CPSF2: variants seen among roughly 807,000 people sequenced by gnomAD.
CPSF2 encodes cleavage and polyadenylation specificity factor subunit 2.
CPSF2 carries 51 observed loss-of-function variants against 84.2 expected under a neutral mutation model. The ratio of observed to expected loss-of-function variants is 0.61; its 90% CI spans 0.48 to 0.77. CPSF2 has a LOEUF of 0.77. Among genes scored for constraint, CPSF2 ranks in the 30% least tolerant of loss-of-function variants. CPSF2 has a pLI of 0.00. For missense variants in CPSF2, 641 were observed against 929.4 expected, an observed-to-expected ratio of 0.69 and a Z score of 4.03; for synonymous variants, 286 against 311.9, an observed-to-expected ratio of 0.92 and a Z score of 0.87.
At chr14:92,125,973 T>C (rs1383580860) in intron 1 of CPSF2, 149 bp from the exon 2 acceptor site, 1 of 152,230 alleles carries the variant, frequency 6.6e-6, no homozygotes, top group African/African-American at 2.4e-5. Flanking sequence ...CTAAAATTAA[T>C]GACAGATCTC....
In CPSF2 at chr14:92,168,310, C is replaced by T. The variant is rs980563960; in HGVS notation, c.*6566C>T. ...GAGAAGGAACATTCAAATCTTCCCA[C>T]GTGGGCAAGTTCCAAGCAAATGTTT... On this transcript the variant is annotated 3_prime_UTR_variant, in exon 16 of 16. Coordinates refer to ENST00000298875, the MANE Select transcript of CPSF2 (RefSeq NM_017437.3). The T allele has an allele frequency of 6.0e-5, 9 of 150,110 alleles. No homozygotes were observed. The highest frequency in any genetic ancestry group is 2.2e-4 in the African/African-American group (9 of 40,816). The allele number at this position is 150,110 out of a possible 1,614,324, so 9.3% of individuals were successfully genotyped here.
At position 92,170,471 on chromosome 14, in the gene CPSF2, T is replaced by G. The variant is rs1372740661; in HGVS notation, c.*8727T>G. 1 of 152,190 alleles carries G rather than the reference T, an allele frequency of 6.6e-6. No individual in the cohort carries two copies. Among genetic ancestry groups the G allele is most frequent in the Non-Finnish European group, 1.5e-5 (1 of 68,026 alleles). The allele number at this position is 152,190 out of a possible 1,614,324, so 9.4% of individuals were successfully genotyped here. A position where few individuals can be genotyped will look rare whatever the true frequency, so the allele number is the denominator to read the frequency against. On this transcript the variant is annotated 3_prime_UTR_variant, in exon 16 of 16. Coordinates refer to ENST00000298875, the MANE Select transcript of CPSF2 (RefSeq NM_017437.3). Reference sequence around the variant, plus strand: ...ATCAGGAAACCAGCATTGATAAAATTCTACCATTTGATCCACGAACCCCAT... The same window carrying G: ...ATCAGGAAACCAGCATTGATAAAATGCTACCATTTGATCCACGAACCCCAT...
chr14:92,142,149 A>G lies in CPSF2; in HGVS notation c.662-15A>G, dbSNP rs2069086647. 6.3e-7 allele frequency: 1 copy of G among 1,577,210 alleles called. No homozygotes were observed. Among genetic ancestry groups the G allele is most frequent in the African/African-American group, 1.3e-5 (1 of 74,100 alleles). On this transcript the variant is annotated splice_polypyrimidine_tract_variant and intron_variant, in intron 7 of 15. Transcript: ENST00000298875. Reference sequence around the variant, plus strand: ...TTGTTACGTTCTATGGGGATTTTACATTCTTGTTTTCTAGCAAATGTCCTG... The same window carrying G: ...TTGTTACGTTCTATGGGGATTTTACGTTCTTGTTTTCTAGCAAATGTCCTG...
At chr14:92,153,118 C>G (rs1353653644) in intron 9 of CPSF2, among the ~76,000 whole-genome samples, 1 of 111,496 alleles carries the variant, frequency 9.0e-6, no homozygotes, top group Non-Finnish European at 1.9e-5. Context: ...CACTAATTTT[C>G]CAACAGATAA....
In CPSF2 at chr14:92,164,034, A is replaced by T. The variant is rs2069412340; in HGVS notation, c.*2290A>T. On this transcript the variant is annotated 3_prime_UTR_variant, in exon 16 of 16. Transcript: ENST00000298875. ...CGTGAGCCACTGCTCCTGGCCCAAGATCTGATGGTTTTGTAAGGGAATTTT... is the reference window on the plus strand; with the variant it reads ...CGTGAGCCACTGCTCCTGGCCCAAGTTCTGATGGTTTTGTAAGGGAATTTT... The T allele has an allele frequency of 6.6e-6, 1 of 152,348 alleles. No homozygotes were observed. Among genetic ancestry groups the T allele is most frequent in the African/African-American group, 2.4e-5 (1 of 41,428 alleles). 9.4% of individuals were successfully genotyped at this position (152,348 alleles called of 1,614,324 possible). A position where few individuals can be genotyped will look rare whatever the true frequency, so the allele number is the denominator to read the frequency against.
In CPSF2 at chr14:92,155,336, A is replaced by G; in HGVS notation, c.1442+13A>G. 1.3e-6 allele frequency: 2 copies of G among 1,598,938 alleles called. No individual in the cohort carries two copies. The highest frequency in any genetic ancestry group is 2.2e-5 in the South Asian group (2 of 90,770). On this transcript the variant is annotated intron_variant, in intron 11 of 15. Transcript: ENST00000298875. ...GAGAGATTATCAAGTATGTGAGCAA[A>G]ACAAACTTTTCTCTCTTACAAATTG...
At chr14:92,156,661 G>A (rs1595066192) in intron 12 of CPSF2, 30 bp downstream of exon 12, 1 of 1,421,054 alleles carries the variant, frequency 7.0e-7, no homozygotes, top group Non-Finnish European at 9.5e-7. Context: ...TTTGAAAATA[G>A]ATTATAAGAT....
At chr14:92,145,107 G>A (rs372880377) in intron 9 of CPSF2, among the ~76,000 whole-genome samples, 7 of 152,318 alleles carry the variant, frequency 4.6e-5, no homozygotes, top group African/African-American at 1.7e-4. Flanking sequence ...AATTGATATA[G>A]TGGGATGGTT....
chr14:92,122,256 C>T (rs2068779845), intron 1 of CPSF2, 128 bp downstream of exon 1: 1 of 276,728 alleles, frequency 3.6e-6, no homozygotes, highest in South Asian at 3.4e-5. Flanking sequence ...GCTTCGGCTG[C>T]GACTGTCCCG....
At chr14:92,135,307 TA>T in intron 5 of CPSF2, 59 bp from the exon 6 acceptor site, 1 of 1,443,014 alleles carries the variant, frequency 6.9e-7, no homozygotes, top group South Asian at 1.4e-5. Flanking sequence ...AGTTGAGAAA[TA>T]AATAACCTTT....
At chr14:92,122,740 G>T (rs2068790443) in intron 1 of CPSF2, among the ~76,000 whole-genome samples, 1 of 152,178 alleles carries the variant, frequency 6.6e-6, no homozygotes, top group African/African-American at 2.4e-5. Flanking sequence ...GAAGAGGTCA[G>T]ATTGAACCCC....
At chr14:92,122,850 TTTC>T (rs758442127) in intron 1 of CPSF2, among the ~76,000 whole-genome samples, 5 of 143,778 alleles carry the variant, frequency 3.5e-5, no homozygotes, top group South Asian at 4.4e-4. Context: ...TTCTTTTTTC[TTTC>T]TTTTTTTTTT....
At chr14:92,128,539 C>G (rs1018526387) in intron 2 of CPSF2, among the ~76,000 whole-genome samples, 1 of 152,148 alleles carries the variant, frequency 6.6e-6, no homozygotes, top group Non-Finnish European at 1.5e-5. Flanking sequence ...CCCCGCCGGC[C>G]CTGCATGATT....
rs2069424407 is a variant in CPSF2, at chr14:92,164,974, C to A, written c.*3230C>A. The stretch of plus-strand genomic sequence containing the variant: ...CCCCTGGCAGCCATTAATCTACTTT[C>A]TGTCTCCTTGAATTTGGATTTTCTG... On this transcript the variant is annotated 3_prime_UTR_variant, in exon 16 of 16. Transcript: ENST00000298875. The A allele has an allele frequency of 1.3e-5, 2 of 152,220 alleles. No individual in the cohort carries two copies. Among genetic ancestry groups the A allele is most frequent in the South Asian group, 4.1e-4 (2 of 4,830 alleles). The allele number at this position is 152,220 out of a possible 1,614,324, so 9.4% of individuals were successfully genotyped here.
Position 92,134,201 on chromosome 14 carries a change from G to A in CPSF2, c.309+31G>A, listed in dbSNP as rs1281862039. 5.0e-6 allele frequency: 8 copies of A among 1,612,090 alleles called. 1 individual carries two copies. In the South Asian group the frequency reaches 8.8e-5, roughly 18 times the overall value. On this transcript the variant is annotated intron_variant, in intron 4 of 15. Transcript: ENST00000298875. ...TTAAGCAATTAAAAAAATTTTGTTA[G>A]CACTCCTTCAGTGATTGTTTTTCAC...
chr14:92,127,086 C>A (rs1250347669), intron 2 of CPSF2, among the ~76,000 whole-genome samples: 1 of 152,122 alleles, frequency 6.6e-6, no homozygotes, highest in Non-Finnish European at 1.5e-5. Flanking sequence ...ACTGTGGAGG[C>A]GCTGGAATGT....
At position 92,157,671 on chromosome 14, in the gene CPSF2, C is replaced by T; in HGVS notation, c.1608C>T (p.Thr536=). 6.2e-7 allele frequency: 1 copy of T among 1,612,908 alleles called. No individual in the cohort carries two copies. Among genetic ancestry groups the T allele is most frequent in the South Asian group, 1.1e-5 (1 of 91,038 alleles). ...TESIEIKARV[T]YIDYEGRSDG... is the part of the protein sequence containing the mutation. ...TATCTAATTACAGAGCCCGGGTTACCTACATAGACTATGAAGGACGCTCTG... is the reference window on the plus strand; with the variant it reads ...TATCTAATTACAGAGCCCGGGTTACTTACATAGACTATGAAGGACGCTCTG... Residue 536 remains threonine, a synonymous_variant, in exon 13 of 16, where the codon ACC becomes ACT. Transcript: ENST00000298875. This position sits in a 1 kb window ranked among gnomAD's most constrained non-coding sequence, Gnocchi z 4.0.
rs2069452575 is a variant in CPSF2, at chr14:92,166,767, C to T, written c.*5023C>T. On this transcript the variant is annotated 3_prime_UTR_variant, in exon 16 of 16. Coordinates refer to ENST00000298875, the MANE Select transcript of CPSF2 (RefSeq NM_017437.3). ...CTATTTCTTCATTGATTTTTTTCTG[C>T]CACCCCTGTTTAAAATCAGTTGCCC... The T allele has an allele frequency of 6.6e-6, 1 of 152,048 alleles. No homozygotes were observed. Among genetic ancestry groups the T allele is most frequent in the Admixed American group, 6.6e-5 (1 of 15,248 alleles). The allele number at this position is 152,048 out of a possible 1,614,324, so 9.4% of individuals were successfully genotyped here.
chr14:92,157,734 A>C lies in CPSF2; in HGVS notation c.1671A>C (p.Lys557Asn). 6.2e-7 allele frequency: 1 copy of C among 1,614,128 alleles called. No individual in the cohort carries two copies. Among genetic ancestry groups the C allele is most frequent in the Non-Finnish European group, 8.5e-7 (1 of 1,180,008 alleles). ...TTAAAAAAATCATTAATCAGATGAAACCACGACAGTTGATCATCGTCCATG... is the reference window on the plus strand; with the variant it reads ...TTAAAAAAATCATTAATCAGATGAACCCACGACAGTTGATCATCGTCCATG... ...DSIKKIINQM[K>N]PRQLIIVHGP... The change falls in exon 13 of 16, where the codon AAA becomes AAC. Residue 557 changes from lysine (K) to asparagine (N), a missense_variant. By Grantham distance (94) the Lys-to-Asn change is moderately conservative. Around this residue, in one of 2 missense-constraint regions of CPSF2, gnomAD observed 430 missense variants for 553.6 expected, o/e 0.78. Coordinates refer to ENST00000298875, the MANE Select transcript of CPSF2 (RefSeq NM_017437.3). This position sits in a 1 kb window ranked among gnomAD's most constrained non-coding sequence, Gnocchi z 4.0.
Sources: allele counts gnomAD v4.1 joint callset (sites outside exome capture counted in the v4.1 genomes callset), GRCh38; gene constraint gnomAD v4.1.1; regional missense constraint gnomAD v4.1.1; non-coding constraint Gnocchi (gnomAD v3.1); transcripts MANE v1.5; gene names NCBI Gene and HGNC (gene_info 2026-07-23, HGNC 2026-07-21).